The following ACTL8 variants were observed in gnomAD, a reference collection of about 807,000 sequenced individuals.
The protein encoded by ACTL8 is actin like 8.
Under a neutral mutation model 9.3 loss-of-function variants are expected in ACTL8, and 3 were observed. The observed-to-expected ratio is 0.32, with a 90% CI of 0.15 to 0.83. The LOEUF is 0.83. Ranked by LOEUF, ACTL8 falls within the 40% of genes least tolerant of loss-of-function variation. The pLI, the probability that ACTL8 is intolerant of heterozygous loss-of-function variation, is 0.57. For synonymous variants in ACTL8, 224 were observed against 205.9 expected (o/e 1.09, Z -0.75); for missense variants, 381 against 492.2 (o/e 0.77, Z 2.14).
In ACTL8 at chr1:17,760,984, G is replaced by T. The variant is rs192800390; in HGVS notation, c.-25+5480G>T. Among the ~76,000 whole-genome samples the T allele has an allele frequency of 4.6e-5, 7 of 152,250 alleles. No individual in the cohort carries two copies. In the East Asian group the frequency reaches 1.2e-3, roughly 25 times the overall value. ...TGTGCGGCAGTGACGTTTAAATAAG[G>T]TAGCACAAGTCCTTATTGGAGGGAG... On this transcript the variant is annotated intron_variant, in intron 1 of 2. Transcript: ENST00000375406.
intron 2 of ACTL8, among the ~76,000 whole-genome samples, chr1:17,824,783 G>C (rs1008260471): frequency 1.3e-5 from 2 of 152,182 alleles, no homozygotes; most frequent in African/African-American, 4.8e-5. Context: ...TGCTCTAAGT[G>C]AATAGGAAGT....
chr1:17,763,857 G>A (rs2066025312), intron 1 of ACTL8, among the ~76,000 whole-genome samples: 1 of 152,172 alleles, frequency 6.6e-6, no homozygotes, highest in Non-Finnish European at 1.5e-5. Context: ...ACAGGGGTTG[G>A]CCCTCTGGAA....
chr1:17,813,560 A>G (rs1251365201), intron 1 of ACTL8, among the ~76,000 whole-genome samples: 1 of 152,180 alleles, frequency 6.6e-6, no homozygotes, highest in Non-Finnish European at 1.5e-5. Flanking sequence ...TATCTTCATG[A>G]AAGATTTTTG....
intron 1 of ACTL8, among the ~76,000 whole-genome samples, chr1:17,794,850 CT>C (rs1243531060): frequency 6.6e-6 from 1 of 152,136 alleles, no homozygotes; most frequent in Non-Finnish European, 1.5e-5. Context: ...CAGAATTGCC[CT>C]TGTGGGAGTG....
chr1:17,806,522 G>A (rs1557442932), intron 1 of ACTL8, among the ~76,000 whole-genome samples: 1 of 152,218 alleles, frequency 6.6e-6, no homozygotes, highest in Non-Finnish European at 1.5e-5. Flanking sequence ...TCCAGCTGCT[G>A]CTGGGAGTGG....
chr1:17,795,975 C>CCGA (rs2066273975), intron 1 of ACTL8, among the ~76,000 whole-genome samples: 1 of 152,306 alleles, frequency 6.6e-6, no homozygotes, highest in Non-Finnish European at 1.5e-5. Flanking sequence ...TCTGCCAGGG[C>CCGA]TGAACCCTCA....
intron 1 of ACTL8, among the ~76,000 whole-genome samples, chr1:17,807,109 A>G (rs1030886726): frequency 6.6e-6 from 1 of 152,182 alleles, no homozygotes; most frequent in African/African-American, 2.4e-5. Context: ...ACTCTTCCAC[A>G]TTTAAAGGAC....
At chr1:17,815,036 AT>A (rs1168248918) in intron 1 of ACTL8, among the ~76,000 whole-genome samples, 2 of 152,156 alleles carry the variant, frequency 1.3e-5, no homozygotes, top group Admixed American at 6.5e-5. Flanking sequence ...AAGACTCCAT[AT>A]CTACCAATAA....
intron 1 of ACTL8, among the ~76,000 whole-genome samples, chr1:17,806,106 A>G (rs560514): frequency 0.54 from 81,845 of 152,048 alleles, 22,476 homozygotes; most frequent in East Asian, 0.71. Flanking sequence ...CTGTTTACAC[A>G]GCCGGGATGT....
At chr1:17,806,690 C>T (rs1199284288) in intron 1 of ACTL8, among the ~76,000 whole-genome samples, 1 of 152,200 alleles carries the variant, frequency 6.6e-6, no homozygotes, top group Non-Finnish European at 1.5e-5. Flanking sequence ...CTCAGGAGGA[C>T]ATCCACACAG....
In ACTL8 at chr1:17,825,802, C is replaced by T. The variant is rs751372566; in HGVS notation, c.384C>T (p.Leu128=). 3.7e-6 allele frequency: 6 copies of T among 1,613,750 alleles called. No individual in the cohort carries two copies. Among genetic ancestry groups the T allele is most frequent in the Non-Finnish European group, 4.2e-6 (5 of 1,179,984 alleles). Reference sequence around the variant, plus strand: ...AGTTGCTGCATGTCCCATCGGTCCTCCTGGCCGACCAGCTGCAGATGTCCC... The same window carrying T: ...AGTTGCTGCATGTCCCATCGGTCCTTCTGGCCGACCAGCTGCAGATGTCCC... ...LFELLHVPSV[L]LADQLQMSLY... The change falls in exon 3 of 3, where the codon CTC becomes CTT. Residue 128 remains leucine (L), a synonymous_variant. Transcript: ENST00000375406.
At position 17,767,035 on chromosome 1, in the gene ACTL8, A is replaced by G. The variant is rs976347773; in HGVS notation, c.-25+11531A>G. Among the ~76,000 whole-genome samples, 3 of 152,184 alleles carry G rather than the reference A, an allele frequency of 2.0e-5. No individual in the cohort carries two copies. The highest frequency in any genetic ancestry group is 7.2e-5 in the African/African-American group (3 of 41,430). ...TGGTTTCAGGTTGGGAGAACTATGG[A>G]GAACAATGAATGGAACGGGAACAGA... On this transcript the variant is annotated intron_variant, in intron 1 of 2. Transcript: ENST00000375406. The surrounding 1 kb of genome is among the most constrained non-coding windows in gnomAD (Gnocchi z 4.7).
intron 1 of ACTL8, among the ~76,000 whole-genome samples, chr1:17,810,334 G>A (rs572877215): frequency 6.6e-6 from 1 of 152,192 alleles, no homozygotes; most frequent in Non-Finnish European, 1.5e-5. Flanking sequence ...CACATGCTGG[G>A]TTTTTCTTGA....
chr1:17,823,332 T>A lies in ACTL8; in HGVS notation c.324T>A (p.Pro108=). The change falls in exon 2 of 3, where the codon CCT becomes CCA. Residue 108 remains proline, a synonymous_variant. Transcript: ENST00000375406. The surrounding 1 kb of genome is among the most constrained non-coding windows in gnomAD (Gnocchi z 5.3). ...VIITETPLRE[P]ADRKKMLEIL... ...TCACGGAGACACCCTTGAGGGAGCC[T>A]GCGGACCGAAAGAAGATGCTGGAGG... is the stretch of plus-strand genomic sequence containing the variant. 6.2e-7 allele frequency: 1 copy of A among 1,613,288 alleles called. No individual in the cohort carries two copies. Among genetic ancestry groups the A allele is most frequent in the South Asian group, 1.1e-5 (1 of 91,038 alleles).
chr1:17,764,260 G>A (rs1373786814), intron 1 of ACTL8, among the ~76,000 whole-genome samples: 1 of 152,104 alleles, frequency 6.6e-6, no homozygotes, highest in African/African-American at 2.4e-5. Context: ...TGCACAGGCC[G>A]GCCCCTGCTG....
At position 17,791,111 on chromosome 1, in the gene ACTL8, G is replaced by A. The variant is rs534402721; in HGVS notation, c.-24-31874G>A. Among the ~76,000 whole-genome samples the A allele has an allele frequency of 3.7e-3, 568 of 152,230 alleles. 3 individuals carry two copies. Among genetic ancestry groups the A allele is most frequent in the Admixed American group, 6.3e-3 (97 of 15,302 alleles). On this transcript the variant is annotated intron_variant, in intron 1 of 2. Transcript: ENST00000375406. ...GCTGTGCCTGGCAGGGGGTGGGGCC[G>A]GGCTCCTGCCTACTCCATGGAGCAG...
intron 1 of ACTL8, among the ~76,000 whole-genome samples, chr1:17,786,104 G>A (rs532872956): frequency 2.6e-4 from 40 of 152,358 alleles, no homozygotes; most frequent in Admixed American, 2.4e-3. Flanking sequence ...GCAGGCCTCT[G>A]CCATGTGGTC....
chr1:17,774,194 G>T (rs113854693), intron 1 of ACTL8, among the ~76,000 whole-genome samples: 1 of 152,308 alleles, frequency 6.6e-6, no homozygotes, highest in East Asian at 1.9e-4. Flanking sequence ...GGCTTGGGGG[G>T]TACTTTCTGT....
At position 17,797,839 on chromosome 1, in the gene ACTL8, C is replaced by T. The variant is rs1017714461; in HGVS notation, c.-24-25146C>T. On this transcript the variant is annotated intron_variant, in intron 1 of 2. Coordinates refer to ENST00000375406, the MANE Select transcript of ACTL8 (RefSeq NM_030812.3). Reference sequence around the variant, plus strand: ...TAAAGCGGTTTGCACAGGGCCTGGCCGTCAGTGGGCTTCCAGCAAACGGGA... The same window carrying T: ...TAAAGCGGTTTGCACAGGGCCTGGCTGTCAGTGGGCTTCCAGCAAACGGGA... Among the ~76,000 whole-genome samples, 35 of 152,244 alleles carry T rather than the reference C, an allele frequency of 2.3e-4. 1 individual carries two copies. The highest frequency in any genetic ancestry group is 3.4e-3 in the Middle Eastern group (1 of 294).
Sources: allele counts gnomAD v4.1 joint callset (sites outside exome capture counted in the v4.1 genomes callset), GRCh38; gene constraint gnomAD v4.1.1; non-coding constraint Gnocchi (gnomAD v3.1); transcripts MANE v1.5; gene names NCBI Gene and HGNC (gene_info 2026-07-23, HGNC 2026-07-21).